EVL: variants seen among roughly 807,000 people sequenced by gnomAD.
EVL encodes Enah/Vasp-like.
EVL carries 21 observed loss-of-function variants against 59.6 expected under a neutral mutation model. The ratio of observed to expected loss-of-function variants is 0.35; its 90% CI spans 0.25 to 0.51. The LOEUF is 0.51. EVL is among the 20% of genes least tolerant of loss of function. The pLI, the probability that EVL is intolerant of heterozygous loss-of-function variation, is 0.97. For synonymous variants in EVL, 198 were observed against 203.5 expected, an observed-to-expected ratio of 0.97 and a Z score of 0.23; for missense variants, 462 against 546.6, an observed-to-expected ratio of 0.85 and a Z score of 1.54.
At chr14:100,088,699 C>G (rs1030539575) in intron 2 of EVL, among the ~76,000 whole-genome samples, 2 of 152,140 alleles carry the variant, frequency 1.3e-5, no homozygotes, top group Non-Finnish European at 2.9e-5. Context: ...TTATGTGGTC[C>G]ATGATTATAT....
chr14:100,013,128 G>A (rs1047090128), intron 1 of EVL, among the ~76,000 whole-genome samples: 2 of 151,742 alleles, frequency 1.3e-5, no homozygotes, highest in African/African-American at 4.8e-5. Context: ...TTGAGGTTGT[G>A]GGGAGTTAAA....
At position 100,141,254 on chromosome 14, in the gene EVL, T is replaced by G. The variant is rs1014024662; in HGVS notation, c.1161+8T>G. The G allele has an allele frequency of 6.2e-7, 1 of 1,613,514 alleles. No homozygotes were observed. The highest frequency in any genetic ancestry group is 8.5e-7 in the Non-Finnish European group (1 of 1,179,852). ...TTGGACCGGATGAAGCAGGTGAGCATGCCCTGTGCCCTTCCCTCAAGAGGC... is the reference window on the plus strand; with the variant it reads ...TTGGACCGGATGAAGCAGGTGAGCAGGCCCTGTGCCCTTCCCTCAAGAGGC... On this transcript the variant is annotated splice_region_variant and intron_variant, in intron 12 of 13. Coordinates refer to ENST00000392920, the MANE Select transcript of EVL (RefSeq NM_016337.3).
intron 3 of EVL, among the ~76,000 whole-genome samples, chr14:100,110,564 C>T (rs568625045): frequency 2.7e-4 from 41 of 151,864 alleles, no homozygotes; most frequent in African/African-American, 9.2e-4. Context: ...AGGAGGAGGA[C>T]GGCGGCACCA....
chr14:100,103,203 TG>T (rs1886342868), intron 3 of EVL, among the ~76,000 whole-genome samples: 1 of 151,128 alleles, frequency 6.6e-6, no homozygotes. Flanking sequence ...TTTTTTTTTT[TG>T]AAGGAAAAGG....
intron 1 of EVL, among the ~76,000 whole-genome samples, chr14:99,994,229 A>G (rs1282810199): frequency 1.3e-5 from 2 of 149,654 alleles, no homozygotes; most frequent in Admixed American, 6.7e-5. Context: ...CATTCAACCA[A>G]TCTATGTCTT....
At chr14:99,997,571 G>A (rs1186091598) in intron 1 of EVL, among the ~76,000 whole-genome samples, 2 of 152,234 alleles carry the variant, frequency 1.3e-5, no homozygotes, top group Non-Finnish European at 2.9e-5. Context: ...GAGTTGTTGT[G>A]AAATGGAGAT....
chr14:100,055,784 C>T (rs1006476729), intron 1 of EVL, among the ~76,000 whole-genome samples: 43 of 140,896 alleles, frequency 3.1e-4, no homozygotes, highest in Admixed American at 2.9e-3. Flanking sequence ...TGCACACTTA[C>T]GTTGTTGTCT....
chr14:100,086,421 CA>C (rs1163487139), intron 2 of EVL, among the ~76,000 whole-genome samples: 1 of 152,236 alleles, frequency 6.6e-6, no homozygotes, highest in Non-Finnish European at 1.5e-5. Context: ...GTCTTTGACA[CA>C]AGGTCCACCT....
At chr14:100,080,465 C>G (rs2062272859) in intron 1 of EVL, among the ~76,000 whole-genome samples, 2 of 152,176 alleles carry the variant, frequency 1.3e-5, no homozygotes, top group Non-Finnish European at 2.9e-5. Flanking sequence ...TGAGGGAGCT[C>G]TTGAGGTCAG....
At chr14:99,973,969 C>T (rs1025803076) in intron 1 of EVL, among the ~76,000 whole-genome samples, 1 of 152,128 alleles carries the variant, frequency 6.6e-6, no homozygotes, top group Admixed American at 6.6e-5. Context: ...TTCCAGTCTT[C>T]GCTTTGGAGT....
At chr14:100,141,129 TC>T in intron 11 of EVL, 50 bp from the exon 12 acceptor site, 1 of 1,592,238 alleles carries the variant, frequency 6.3e-7, no homozygotes, top group Admixed American at 1.7e-5. Context: ...CAGCCAGCTT[TC>T]CCCCACACCT....
intron 1 of EVL, among the ~76,000 whole-genome samples, chr14:100,012,405 TA>T (rs2061022386): frequency 6.6e-6 from 1 of 152,244 alleles, no homozygotes; most frequent in South Asian, 2.1e-4. Flanking sequence ...GTATTTGCTT[TA>T]CATGATTTTA....
chr14:99,998,898 C>T (rs1490185350), intron 1 of EVL, among the ~76,000 whole-genome samples: 1 of 152,052 alleles, frequency 6.6e-6, no homozygotes, highest in African/African-American at 2.4e-5. Context: ...CAGTAATGGT[C>T]TCTGAATCTC....
At chr14:100,055,143 G>A (rs1269480682) in intron 1 of EVL, among the ~76,000 whole-genome samples, 3 of 151,202 alleles carry the variant, frequency 2.0e-5, no homozygotes, top group Admixed American at 1.3e-4. Flanking sequence ...AGGTTGCCGT[G>A]AGCTGAGATC....
rs1261764962 is a variant in EVL at position 100,019,345 on chromosome 14, C to T, written c.5+47288C>T. ...TACATGCTTTACCCAGGATCCCAGG[C>T]GTGCCCTGGGTTCGACTTCTTTCTC... On this transcript the variant is annotated intron_variant, in intron 1 of 13. Coordinates refer to the EVL transcript ENST00000402714. The T allele has an allele frequency of 8.2e-5, 25 of 304,160 alleles. No individual in the cohort carries two copies. The Admixed American group carries it at 8.4e-4, about 10-fold the overall frequency. The allele number at this position is 304,160 out of a possible 1,614,324, so 18.8% of individuals were successfully genotyped here.
At chr14:100,034,238 A>G (rs1453665296) in intron 1 of EVL, among the ~76,000 whole-genome samples, 1 of 151,036 alleles carries the variant, frequency 6.6e-6, no homozygotes, top group Non-Finnish European at 1.5e-5. Context: ...CTGTCTCAAA[A>G]AAAAAAAAAA....
chr14:100,078,310 G>A (rs143924954), intron 1 of EVL, among the ~76,000 whole-genome samples: 37 of 152,264 alleles, frequency 2.4e-4, no homozygotes, highest in African/African-American at 8.9e-4. Flanking sequence ...TAAGTAGAAA[G>A]GAAACCTGTG....
intron 1 of EVL, among the ~76,000 whole-genome samples, chr14:100,019,889 T>G (rs965564962): frequency 7.2e-5 from 11 of 152,206 alleles, no homozygotes; most frequent in Non-Finnish European, 1.2e-4. Context: ...TGTGCAGAAG[T>G]GCAGCGTGGA....
intron 1 of EVL, among the ~76,000 whole-genome samples, chr14:99,990,512 A>G (rs189213199): frequency 1.2e-3 from 179 of 152,150 alleles, no homozygotes; most frequent in Middle Eastern, 3.4e-3. Flanking sequence ...CCCTCTCCTG[A>G]CAGCCCTTGG....
Sources: allele counts gnomAD v4.1 joint callset (sites outside exome capture counted in the v4.1 genomes callset), GRCh38; gene constraint gnomAD v4.1.1; transcripts MANE v1.5; gene names NCBI Gene and HGNC (gene_info 2026-07-23, HGNC 2026-07-21).